The following POLB variants were observed in gnomAD, a reference collection of about 807,000 sequenced individuals.
The protein encoded by POLB is 5'-dRP lyase.
POLB carries 37 observed loss-of-function variants against 52.7 expected under a neutral mutation model. The observed-to-expected ratio is 0.70, with a 90% CI of 0.54 to 0.92. POLB has a LOEUF of 0.92. POLB is among the 40% of genes least tolerant of loss of function. The pLI, the probability that POLB is intolerant of heterozygous loss-of-function variation, is 0.00. For missense variants in POLB, 313 were observed against 400.8 expected, an observed-to-expected ratio of 0.78 and a Z score of 1.87; for synonymous variants, 138 against 131.3, an observed-to-expected ratio of 1.05 and a Z score of -0.35.
chr8:42,338,793 C>T (rs1249776670), intron 1 of POLB, 108 bp downstream of exon 1: 3 of 1,197,978 alleles, frequency 2.5e-6, no homozygotes, highest in Non-Finnish European at 3.7e-6. Context: ...AGGTTCCTTG[C>T]AGCGGGTCGT....
intron 5 of POLB, 98 bp downstream of exon 5, chr8:42,350,163 C>G: frequency 1.2e-6 from 1 of 814,948 alleles, no homozygotes; most frequent in Non-Finnish European, 2.2e-6. Context: ...CTGTACTTCA[C>G]CACCTCTGTA....
intron 13 of POLB, chr8:42,370,326 G>A: frequency 2.7e-6 from 1 of 367,334 alleles, no homozygotes; most frequent in South Asian, 2.1e-5. Context: ...AAAAACTCAA[G>A]TATCATTGTT....
At chr8:42,369,366 A>G in intron 12 of POLB, 31 bp downstream of exon 12, 1 of 1,238,420 alleles carries the variant, frequency 8.1e-7, no homozygotes, top group Non-Finnish European at 1.2e-6. Flanking sequence ...CTGACCTGTT[A>G]ACTTTTCCAA....
intron 5 of POLB, among the ~76,000 whole-genome samples, chr8:42,351,887 ACT>A (rs1822995075): frequency 6.6e-6 from 1 of 151,684 alleles, no homozygotes; most frequent in African/African-American, 2.4e-5. Flanking sequence ...CACTTACATC[ACT>A]CTATGCATCC....
intron 4 of POLB, 94 bp downstream of exon 4, chr8:42,349,184 T>TA (rs954333114): frequency 4.4e-6 from 3 of 678,866 alleles, no homozygotes; most frequent in Admixed American, 5.2e-5. Context: ...TCATTCACTG[T>TA]AGTGAGACTC....
intron 6 of POLB, among the ~76,000 whole-genome samples, chr8:42,353,438 A>G (rs1823108632): frequency 6.6e-6 from 1 of 152,142 alleles, no homozygotes; most frequent in Non-Finnish European, 1.5e-5. Context: ...ATTTTAGGCA[A>G]TAAAATCTTA....
Position 42,338,668 on chromosome 8 carries a change from T to C in POLB, c.44T>C (p.Ile15Thr). ...KAPQETLNGG[I>T]TDMLTELANF... ...CCGCAGGAGACTCTCAACGGGGGAA[T>C]CACCGACATGCTCACAGGTTAGCAC... The change falls in exon 1 of 14, where the codon ATC (isoleucine) becomes ACC (threonine). Residue 15 changes from isoleucine to threonine, a missense_variant. Around this residue, in one of 3 missense-constraint regions of POLB, gnomAD observed 54 missense variants for 63.4 expected, o/e 0.85. Transcript: ENST00000265421. 6.2e-7 allele frequency: 1 copy of C among 1,614,148 alleles called. No individual in the cohort carries two copies. The highest frequency in any genetic ancestry group is 8.5e-7 in the Non-Finnish European group (1 of 1,179,986).
intron 9 of POLB, among the ~76,000 whole-genome samples, chr8:42,358,488 C>T (rs1823472582): frequency 2.0e-5 from 3 of 148,930 alleles, no homozygotes; most frequent in African/African-American, 5.1e-5. Context: ...GGCGACAGAG[C>T]GAGACTCCAT....
chr8:42,368,443 C>T (rs778795339), intron 11 of POLB, among the ~76,000 whole-genome samples: 13 of 152,184 alleles, frequency 8.5e-5, no homozygotes, highest in Non-Finnish European at 1.6e-4. Flanking sequence ...AACTTGACCA[C>T]TCTTGAGGAC....
At chr8:42,363,967 C>T (rs1336392782) in intron 11 of POLB, among the ~76,000 whole-genome samples, 1 of 146,660 alleles carries the variant, frequency 6.8e-6, no homozygotes, top group Admixed American at 6.8e-5. Context: ...ACTCTTGTCA[C>T]CCGGGCTGGA....
chr8:42,371,446 G>T (rs1824389621), intron 13 of POLB, 117 bp from the exon 14 acceptor site: 2 of 460,270 alleles, frequency 4.3e-6, no homozygotes, highest in Admixed American at 7.6e-5. Flanking sequence ...TAGTGACTTG[G>T]TTACCATTTT....
chr8:42,366,041 A>T (rs1398137895), intron 11 of POLB, among the ~76,000 whole-genome samples: 1 of 152,074 alleles, frequency 6.6e-6, no homozygotes, highest in Non-Finnish European at 1.5e-5. Flanking sequence ...CAGTGGTTGC[A>T]GTGAGCTGAG....
chr8:42,342,913 G>A (rs891830642), intron 2 of POLB, among the ~76,000 whole-genome samples: 7 of 152,180 alleles, frequency 4.6e-5, no homozygotes, highest in East Asian at 1.9e-4. Context: ...CAAGGGCTGC[G>A]TGTGGTGGCT....
chr8:42,368,318 G>C (rs1483487781), intron 11 of POLB, among the ~76,000 whole-genome samples: 1 of 152,204 alleles, frequency 6.6e-6, no homozygotes, highest in Non-Finnish European at 1.5e-5. Flanking sequence ...TTCATATTTT[G>C]AAGGTAAACA....
In POLB at chr8:42,369,977, T is replaced by C; in HGVS notation, c.902T>C (p.Leu301Ser). 1 of 1,608,586 alleles carries C rather than the reference T, an allele frequency of 6.2e-7. No homozygotes were observed. Among genetic ancestry groups the C allele is most frequent in the Non-Finnish European group, 8.5e-7 (1 of 1,175,374 alleles). The part of the protein sequence containing the change: ...FTINEYTIRP[L>S]GVTGVAGEPL... ...ATCAATGAGTACACCATCCGTCCCT[T>C]GGGAGTCACTGGTGAGTGTCCATGT... The change falls in exon 13 of 14, where the codon TTG becomes TCG. Residue 301 changes from leucine (L) to serine (S), a missense_variant. This residue lies in a region of POLB where 246 missense variants were observed against 297.6 expected (regional missense o/e 0.83). Coordinates refer to ENST00000265421, the MANE Select transcript of POLB (RefSeq NM_002690.3).
intron 8 of POLB, 26 bp downstream of exon 8, chr8:42,357,249 T>G: frequency 6.8e-7 from 1 of 1,470,092 alleles, no homozygotes; most frequent in Non-Finnish European, 9.5e-7. Flanking sequence ...TTATATTCTT[T>G]GATTAGAATT....
chr8:42,348,055 G>GA (rs2130794762), intron 3 of POLB, among the ~76,000 whole-genome samples: 2 of 152,180 alleles, frequency 1.3e-5, no homozygotes, highest in African/African-American at 4.8e-5. Context: ...AGAAAGATGT[G>GA]AAAAAAAGGA....
In POLB at chr8:42,369,934, C is replaced by G; in HGVS notation, c.859C>G (p.Leu287Val). 6.2e-7 allele frequency: 1 copy of G among 1,609,324 alleles called. No individual in the cohort carries two copies. Among genetic ancestry groups the G allele is most frequent in the Non-Finnish European group, 8.5e-7 (1 of 1,175,912 alleles). The change falls in exon 13 of 14, where the codon CTA becomes GTA. Residue 287 changes from leucine (L) to valine (V), a missense_variant. Physicochemically the swap from Leu to Val is conservative, Grantham distance 32. Coordinates refer to ENST00000265421, the MANE Select transcript of POLB (RefSeq NM_002690.3). ...CAATAAGAATATGAGGGCTCATGCC[C>G]TAGAAAAGGGTTTCACAATCAATGA... ...IFNKNMRAHALEKGFTINEYT... is the reference protein window; with the variant it reads ...IFNKNMRAHAVEKGFTINEYT...
chr8:42,354,506 A>T (rs1260088083), intron 6 of POLB: 11 of 1,245,908 alleles, frequency 8.8e-6, no homozygotes, highest in Admixed American at 6.9e-5. Context: ...GACAATTCTT[A>T]AGTTAAAAAA....
Sources: gnomAD v4.1 joint callset for allele counts (sites outside exome capture counted in the v4.1 genomes callset) on GRCh38, gnomAD v4.1.1 for gene constraint, gnomAD v4.1.1 regional missense constraint, MANE v1.5 for transcripts, NCBI Gene and HGNC (gene_info 2026-07-23, HGNC 2026-07-21) for gene names.